The following KLHL3 variants were observed in gnomAD, a reference collection of about 807,000 sequenced individuals.
KLHL3 encodes kelch like family member 3.
KLHL3 carries 19 observed loss-of-function variants against 70.5 expected under a neutral mutation model. That is an observed-to-expected ratio of 0.27 (90% confidence interval 0.19 to 0.40). The LOEUF is 0.40. KLHL3 is among the 10% of genes least tolerant of loss of function. The pLI, the probability that KLHL3 is intolerant of heterozygous loss-of-function variation, is 1.00. For missense variants in KLHL3, 512 were observed against 771.1 expected (o/e 0.66, Z 3.98); for synonymous variants, 258 against 290.3 (o/e 0.89, Z 1.13).
chr5:137,726,589 G>A (rs1753088594), intron 1 of KLHL3, among the ~76,000 whole-genome samples: 1 of 152,048 alleles, frequency 6.6e-6, no homozygotes, highest in South Asian at 2.1e-4. Flanking sequence ...TAACTCAACT[G>A]GCACATAGAA....
At chr5:137,704,490 T>A (rs1024620093) in intron 3 of KLHL3, among the ~76,000 whole-genome samples, 26 of 152,220 alleles carry the variant, frequency 1.7e-4, no homozygotes, top group Admixed American at 1.7e-3. Flanking sequence ...ACCACACTTG[T>A]GTTTAATCCT....
intron 5 of KLHL3, among the ~76,000 whole-genome samples, chr5:137,685,603 A>G (rs1752142826): frequency 6.6e-6 from 1 of 152,214 alleles, no homozygotes; most frequent in East Asian, 1.9e-4. Context: ...TTTATTGAAT[A>G]TATTACCTAA....
chr5:137,712,943 GT>G (rs199728676), intron 2 of KLHL3, among the ~76,000 whole-genome samples: 86 of 151,592 alleles, frequency 5.7e-4, no homozygotes, highest in African/African-American at 1.7e-3. Flanking sequence ...TAAAAAAATG[GT>G]TTTTTTTCAA....
At chr5:137,679,242 C>G (rs1296630710) in intron 5 of KLHL3, among the ~76,000 whole-genome samples, 1 of 151,950 alleles carries the variant, frequency 6.6e-6, no homozygotes, top group Non-Finnish European at 1.5e-5. Context: ...GTCTTTGGAC[C>G]ACAGTCCCCT....
chr5:137,660,336 C>G (rs1231112851), intron 7 of KLHL3, among the ~76,000 whole-genome samples: 1 of 152,158 alleles, frequency 6.6e-6, no homozygotes, highest in African/African-American at 2.4e-5. Flanking sequence ...TCTCTGGAAC[C>G]CAGGTCCCCA....
chr5:137,693,011 A>G (rs963693534), intron 4 of KLHL3, among the ~76,000 whole-genome samples: 1 of 152,212 alleles, frequency 6.6e-6, no homozygotes, highest in African/African-American at 2.4e-5. Context: ...TCTAATGTAC[A>G]GCCACGTTTG....
chr5:137,692,831 C>CACACAA (rs781726250), intron 4 of KLHL3: 34 of 226,256 alleles, frequency 1.5e-4, no homozygotes, highest in Non-Finnish European at 2.4e-4. Flanking sequence ...CACACACACA[C>CACACAA]ACACACACAC....
At chr5:137,628,204 A>G in intron 13 of KLHL3, 93 bp downstream of exon 13, 2 of 1,486,874 alleles carry the variant, frequency 1.3e-6, no homozygotes, top group Non-Finnish European at 1.9e-6. Flanking sequence ...TCAGCTCCAG[A>G]CCCTGGGAAA....
chr5:137,638,078 C>T (rs569174348), intron 10 of KLHL3, among the ~76,000 whole-genome samples: 78 of 152,224 alleles, frequency 5.1e-4, no homozygotes, highest in African/African-American at 1.9e-3. Flanking sequence ...AAGCAAAATC[C>T]CTCGTGTTTT....
At chr5:137,652,757 TATAGTTA>T (rs1371890596) in intron 8 of KLHL3, among the ~76,000 whole-genome samples, 33 of 152,216 alleles carry the variant, frequency 2.2e-4, no homozygotes, top group African/African-American at 8.0e-4. Flanking sequence ...ACGTGGTGAC[TATAGTTA>T]ATAACAATGT....
At chr5:137,730,125 T>C (rs1477970406) in intron 1 of KLHL3, among the ~76,000 whole-genome samples, 1 of 152,218 alleles carries the variant, frequency 6.6e-6, no homozygotes, top group African/African-American at 2.4e-5. Context: ...TAGCATTATC[T>C]CTTAAGGTAC....
chr5:137,668,889 C>CTTTCTATTACTACCTA (rs1373941987), intron 6 of KLHL3, among the ~76,000 whole-genome samples: 3 of 152,138 alleles, frequency 2.0e-5, no homozygotes, highest in Non-Finnish European at 4.4e-5. Context: ...TGTTTTTTAG[C>CTTTCTATTACTACCTA]GAGCCAGTTG....
chr5:137,699,720 T>C (rs1752526867), intron 3 of KLHL3, among the ~76,000 whole-genome samples: 1 of 152,148 alleles, frequency 6.6e-6, no homozygotes, highest in African/African-American at 2.4e-5. Context: ...AACACATGTC[T>C]TTGTAGACTG....
At chr5:137,687,227 G>T (rs1324003299) in intron 5 of KLHL3, among the ~76,000 whole-genome samples, 1 of 40,386 alleles carries the variant, frequency 2.5e-5, no homozygotes, top group African/African-American at 1.2e-4. Context: ...CCGGCCAGCC[G>T]CCCCGTCCGG....
At chr5:137,716,024 T>C (rs1283477262) in intron 2 of KLHL3, among the ~76,000 whole-genome samples, 1 of 152,196 alleles carries the variant, frequency 6.6e-6, no homozygotes, top group East Asian at 1.9e-4. Context: ...CTATGTTATA[T>C]GGCTACAAAG....
At chr5:137,698,438 T>C (rs1192272788) in intron 3 of KLHL3, 30 bp from the exon 4 acceptor site, 3 of 1,613,194 alleles carry the variant, frequency 1.9e-6, no homozygotes, top group Non-Finnish European at 2.5e-6. Flanking sequence ...CAAAATGACA[T>C]AAATGTGGTA....
chr5:137,622,935 T>A (rs1750353938), intron 14 of KLHL3, among the ~76,000 whole-genome samples: 1 of 152,212 alleles, frequency 6.6e-6, no homozygotes, highest in South Asian at 2.1e-4. Flanking sequence ...GGCAGCTAGA[T>A]GTGCCACGTG....
In KLHL3 at chr5:137,686,411, T is replaced by C. The variant is rs533869058; in HGVS notation, c.526+5874A>G. ...TCCCCAGATCATCCTGGAAACAGGA[T>C]AGGATGCGCTACTCCCATGATAGAG... is the stretch of plus-strand genomic sequence containing the variant. On this transcript the variant is annotated intron_variant, in intron 5 of 14. Transcript: ENST00000309755. Among the ~76,000 whole-genome samples the C allele has an allele frequency of 2.6e-5, 4 of 152,314 alleles. No homozygotes were observed. The South Asian group carries it at 6.2e-4, about 24-fold the overall frequency.
chr5:137,619,574 G>A lies in KLHL3; in HGVS notation c.*2524C>T, dbSNP rs946484182. On this transcript the variant is annotated 3_prime_UTR_variant, in exon 15 of 15. Coordinates refer to ENST00000309755, the MANE Select transcript of KLHL3 (RefSeq NM_017415.3). ...AGCACAAACTAGAAAATAGCCTGCT[G>A]TGTCCACTGTGGAAAGAGAATCGTA... 3 of 152,808 alleles carry A rather than the reference G, an allele frequency of 2.0e-5. No individual in the cohort carries two copies. The highest frequency in any genetic ancestry group is 1.3e-4 in the Admixed American group (2 of 15,312). The allele number at this position is 152,808 out of a possible 1,614,324, so 9.5% of individuals were successfully genotyped here. A position where few individuals can be genotyped will look rare whatever the true frequency, so the allele number is the denominator to read the frequency against.
Sources: gnomAD v4.1 joint callset for allele counts (sites outside exome capture counted in the v4.1 genomes callset) on GRCh38, gnomAD v4.1.1 for gene constraint, MANE v1.5 for transcripts, NCBI Gene and HGNC (gene_info 2026-07-23, HGNC 2026-07-21) for gene names.